TUBA1A: variants seen among roughly 807,000 people sequenced by gnomAD.
The protein encoded by TUBA1A is tubulin alpha 1a.
TUBA1A carries 7 observed loss-of-function variants against 34.6 expected under a neutral mutation model. The observed-to-expected ratio is 0.20, with a 90% CI of 0.11 to 0.38. The LOEUF (loss-of-function observed/expected upper bound fraction) is 0.38. TUBA1A is among the 10% of genes least tolerant of loss of function. The pLI is 1.00. For synonymous variants in TUBA1A, 193 were observed against 210.2 expected, an observed-to-expected ratio of 0.92 and a Z score of 0.71; for missense variants, 19 against 581.3, an observed-to-expected ratio of 0.03 and a Z score of 9.95.
chr12:49,188,402 C>T lies in TUBA1A; in HGVS notation c.3+575G>A, dbSNP rs561201144. The T allele has an allele frequency of 6.5e-7, 1 of 1,535,508 alleles. No homozygotes were observed. The highest frequency in any genetic ancestry group is 8.7e-7 in the Non-Finnish European group (1 of 1,146,672). ...GCCCTGACACCCGCTGCCGGGGGCTCCGGCAGAAACTCACCATGTTTTCCC... is the reference window on the plus strand; with the variant it reads ...GCCCTGACACCCGCTGCCGGGGGCTTCGGCAGAAACTCACCATGTTTTCCC... On this transcript the variant is annotated intron_variant, in intron 1 of 3. Coordinates refer to ENST00000301071, the MANE Select transcript of TUBA1A (RefSeq NM_006009.4). This position sits in a 1 kb window ranked among gnomAD's most constrained non-coding sequence, Gnocchi z 4.9.
Position 49,188,923 on chromosome 12 carries a change from C to G in TUBA1A, c.3+54G>C. 2.5e-6 allele frequency: 4 copies of G among 1,614,134 alleles called. No homozygotes were observed. The highest frequency in any genetic ancestry group is 2.2e-5 in the East Asian group (1 of 44,886). ...GAGCTTAAAGGTTTTCCAAGTAGAGCCTGGGGGCGCTGACTCCACCCAACG... is the reference window on the plus strand; with the variant it reads ...GAGCTTAAAGGTTTTCCAAGTAGAGGCTGGGGGCGCTGACTCCACCCAACG... On this transcript the variant is annotated intron_variant, in intron 1 of 3. Transcript: ENST00000301071. The surrounding 1 kb of genome is among the most constrained non-coding windows in gnomAD (Gnocchi z 4.9).
chr12:49,187,395 T>G, intron 1 of TUBA1A: 1 of 997,834 alleles, frequency 1.0e-6, no homozygotes, highest in South Asian at 4.3e-5. Flanking sequence ...TAGCCTGTAC[T>G]GTCTGCTACA....
At chr12:49,187,612 A>G (rs1005367439) in intron 1 of TUBA1A, 32 of 984,988 alleles carry the variant, frequency 3.2e-5, no homozygotes, top group Non-Finnish European at 3.5e-5. Context: ...TTTTTAAAAA[A>G]AAAGGTTTTT....
chr12:49,187,053 C>G (rs535950366), intron 1 of TUBA1A: 1 of 1,430,264 alleles, frequency 7.0e-7, no homozygotes, highest in South Asian at 1.6e-5. Flanking sequence ...CTGTTCAGCA[C>G]GTGGTACCAG....
intron 1 of TUBA1A, chr12:49,187,176 G>A (rs917485661): frequency 1.7e-5 from 20 of 1,168,376 alleles, no homozygotes; most frequent in Non-Finnish European, 1.2e-5. Flanking sequence ...GACTTAATTG[G>A]GATTAATTTT....
chr12:49,188,065 G>T lies in TUBA1A; in HGVS notation c.3+912C>A, dbSNP rs534378345. On this transcript the variant is annotated intron_variant, in intron 1 of 3. Coordinates refer to ENST00000301071, the MANE Select transcript of TUBA1A (RefSeq NM_006009.4). The surrounding 1 kb of genome is among the most constrained non-coding windows in gnomAD (Gnocchi z 4.9). Reference sequence around the variant, plus strand: ...ACACACACTTCAGTCGGTCAGGGCAGGGCGTCCCACAGACACACACACACA... The same window carrying T: ...ACACACACTTCAGTCGGTCAGGGCATGGCGTCCCACAGACACACACACACA... 3.0e-5 allele frequency: 28 copies of T among 933,378 alleles called. No homozygotes were observed. The South Asian group carries it at 1.1e-3, about 37-fold the overall frequency. 57.8% of individuals were successfully genotyped at this position (933,378 alleles called of 1,614,324 possible).
At position 49,184,866 on chromosome 12, in the gene TUBA1A, A is replaced by G; in HGVS notation, c.*144T>C. The G allele has an allele frequency of 7.3e-7, 1 of 1,370,746 alleles. No individual in the cohort carries two copies. The highest frequency in any genetic ancestry group is 1.2e-5 in the South Asian group (1 of 83,008). The allele number at this position is 1,370,746 out of a possible 1,614,324, so 84.9% of individuals were successfully genotyped here. ...GGACAGCTTGGGTCTGTAACAAAGC[A>G]TTCATGTTTTAGAGCATAGGTCAGT... On this transcript the variant is annotated 3_prime_UTR_variant, in exon 4 of 4. Coordinates refer to ENST00000301071, the MANE Select transcript of TUBA1A (RefSeq NM_006009.4).
rs765938699 is a variant in TUBA1A at position 49,185,448 on chromosome 12, G to A, written c.918C>T (p.Asp306=). The A allele has an allele frequency of 1.2e-6, 2 of 1,613,922 alleles. No homozygotes were observed. Among genetic ancestry groups the A allele is most frequent in the Non-Finnish European group, 8.5e-7 (1 of 1,179,942 alleles). The change falls in exon 4 of 4, where the codon GAC becomes GAT. Residue 306 remains aspartate, a synonymous_variant. Transcript: ENST00000301071. ...AAGCCATGTATTTACCATGGCGAGG[G>A]TCACATTTCACCATCTGGTTGGCTG... is the stretch of plus-strand genomic sequence containing the variant. ...FEPANQMVKC[D]PRHGKYMACC... is the part of the protein sequence containing the mutation.
In TUBA1A at chr12:49,189,065, A is replaced by G. The variant is rs1592261751; in HGVS notation, c.-86T>C. ...TTACAGCGCGACTCTTAGGCGGTCGATGTAAGAGAACCTGCGGCACATAGG... is the reference window on the plus strand; with the variant it reads ...TTACAGCGCGACTCTTAGGCGGTCGGTGTAAGAGAACCTGCGGCACATAGG... On this transcript the variant is annotated 5_prime_UTR_variant, in exon 1 of 4. Coordinates refer to ENST00000301071, the MANE Select transcript of TUBA1A (RefSeq NM_006009.4). The G allele has an allele frequency of 1.3e-6, 2 of 1,573,352 alleles. No homozygotes were observed. The highest frequency in any genetic ancestry group is 2.2e-5 in the South Asian group (2 of 90,252).
chr12:49,186,218 AAC>A lies in TUBA1A; in HGVS notation c.375+90_375+91del. 2 of 1,610,386 alleles carry A rather than the reference AAC, an allele frequency of 1.2e-6. No homozygotes were observed. Among genetic ancestry groups the A allele is most frequent in the Non-Finnish European group, 1.7e-6 (2 of 1,178,690 alleles). ...GACTCATTCCACTCTTTATTAAAAT[AAC>A]AGTTCAATTCTGTGTTTGAAAAAAA... On this transcript the variant is annotated intron_variant, in intron 3 of 3. Transcript: ENST00000301071. This position sits in a 1 kb window ranked among gnomAD's most constrained non-coding sequence, Gnocchi z 6.6.
rs1942213699 is a variant in TUBA1A, at chr12:49,188,644, G to A, written c.3+333C>T. ...TCAGCGAAACCGTGCGCACAGACAC[G>A]GGGCCCAGCCGGGACGCCCCAGACC... On this transcript the variant is annotated intron_variant, in intron 1 of 3. Transcript: ENST00000301071. The surrounding 1 kb of genome is among the most constrained non-coding windows in gnomAD (Gnocchi z 4.9). 1 of 1,436,058 alleles carries A rather than the reference G, an allele frequency of 7.0e-7. No homozygotes were observed. The highest frequency in any genetic ancestry group is 1.4e-5 in the African/African-American group (1 of 69,670). 89.0% of individuals were successfully genotyped at this position (1,436,058 alleles called of 1,614,324 possible). A position where few individuals can be genotyped will look rare whatever the true frequency, so the allele number is the denominator to read the frequency against.
rs1440506766 is a variant in TUBA1A at position 49,189,011 on chromosome 12, C to T, written c.-32G>A. ...TGCTTCGCGACTGCCGAGCTGATGG[C>T]GGAGACGAAGAGGAGAGGTTGTTGC... On this transcript the variant is annotated 5_prime_UTR_variant, in exon 1 of 4. Coordinates refer to ENST00000301071, the MANE Select transcript of TUBA1A (RefSeq NM_006009.4). The T allele has an allele frequency of 1.9e-6, 3 of 1,613,906 alleles. No homozygotes were observed. The African/African-American group carries it at 4.0e-5, about 22-fold the overall frequency.
In TUBA1A at chr12:49,188,077, GACACACACACACACACACAC is replaced by G. The variant is rs35097794; in HGVS notation, c.3+880_3+899del. 2 of 852,966 alleles carry G rather than the reference GACACACACACACACACACAC, an allele frequency of 2.3e-6. No individual in the cohort carries two copies. Among genetic ancestry groups the G allele is most frequent in the African/African-American group, 4.7e-5 (2 of 42,248 alleles). 52.8% of individuals were successfully genotyped at this position (852,966 alleles called of 1,614,324 possible). A position where few individuals can be genotyped will look rare whatever the true frequency, so the allele number is the denominator to read the frequency against. The stretch of plus-strand genomic sequence containing the variant: ...GTCGGTCAGGGCAGGGCGTCCCACA[GACACACACACACACACACAC>G]ACACACACACACACACTTCAGTCGG... On this transcript the variant is annotated intron_variant, in intron 1 of 3. Coordinates refer to ENST00000301071, the MANE Select transcript of TUBA1A (RefSeq NM_006009.4). This position sits in a 1 kb window ranked among gnomAD's most constrained non-coding sequence, Gnocchi z 4.9.
rs1942189296 is a variant in TUBA1A at position 49,186,962 on chromosome 12, G to A, written c.4-129C>T. 7 of 1,499,574 alleles carry A rather than the reference G, an allele frequency of 4.7e-6. No individual in the cohort carries two copies. The South Asian group carries it at 8.9e-5, about 19-fold the overall frequency. The allele number at this position is 1,499,574 out of a possible 1,614,324, so 92.9% of individuals were successfully genotyped here. A position where few individuals can be genotyped will look rare whatever the true frequency, so the allele number is the denominator to read the frequency against. On this transcript the variant is annotated intron_variant, in intron 1 of 3. Transcript: ENST00000301071. The surrounding 1 kb of genome is among the most constrained non-coding windows in gnomAD (Gnocchi z 6.6). ...TAAATTATTTGAGGTCATATCCCCAGCACGATACAAAGATTAAGGAAAATC... is the reference window on the plus strand; with the variant it reads ...TAAATTATTTGAGGTCATATCCCCAACACGATACAAAGATTAAGGAAAATC...
Position 49,187,721 on chromosome 12 carries a change from T to TA in TUBA1A, c.4-889dup, listed in dbSNP as rs1434925666. 20 of 850,932 alleles carry TA rather than the reference T, an allele frequency of 2.4e-5. No individual in the cohort carries two copies. The African/African-American group carries it at 5.9e-4, about 25-fold the overall frequency. 52.7% of individuals were successfully genotyped at this position (850,932 alleles called of 1,614,324 possible). A position where few individuals can be genotyped will look rare whatever the true frequency, so the allele number is the denominator to read the frequency against. On this transcript the variant is annotated intron_variant, in intron 1 of 3. Coordinates refer to ENST00000301071, the MANE Select transcript of TUBA1A (RefSeq NM_006009.4). Reference sequence around the variant, plus strand: ...TAGAAACAAGCATCACATGAAAAGGTACCAAAGAATAAAAGCCCAGTGGAA... The same window carrying TA: ...TAGAAACAAGCATCACATGAAAAGGTAACCAAAGAATAAAAGCCCAGTGGAA...
rs1942178506 is a variant in TUBA1A, at chr12:49,186,231, T to C, written c.375+79A>G. 1.2e-6 allele frequency: 2 copies of C among 1,611,766 alleles called. No homozygotes were observed. Among genetic ancestry groups the C allele is most frequent in the South Asian group, 2.2e-5 (2 of 90,962 alleles). ...CTTTATTAAAATAACAGTTCAATTC[T>C]GTGTTTGAAAAAAAAAGCATTATTT... On this transcript the variant is annotated intron_variant, in intron 3 of 3. Coordinates refer to ENST00000301071, the MANE Select transcript of TUBA1A (RefSeq NM_006009.4). This position sits in a 1 kb window ranked among gnomAD's most constrained non-coding sequence, Gnocchi z 6.6.
At position 49,188,252 on chromosome 12, in the gene TUBA1A, A is replaced by G. The variant is rs1253711924; in HGVS notation, c.3+725T>C. ...CCCTTTTGGAGCCTACAGTTCCGCA[A>G]TGATGAAAGGTTTTTTTGTTTTTTT... On this transcript the variant is annotated intron_variant, in intron 1 of 3. Coordinates refer to ENST00000301071, the MANE Select transcript of TUBA1A (RefSeq NM_006009.4). This position sits in a 1 kb window ranked among gnomAD's most constrained non-coding sequence, Gnocchi z 4.9. 3.0e-6 allele frequency: 3 copies of G among 984,392 alleles called. No individual in the cohort carries two copies. The highest frequency in any genetic ancestry group is 2.3e-4 in the East Asian group (2 of 8,818). 61.0% of individuals were successfully genotyped at this position (984,392 alleles called of 1,614,324 possible).
Position 49,188,008 on chromosome 12 carries a change from C to T in TUBA1A, c.3+969G>A. ...CTTTCTCCCTCGCTGAACGTGCAGTCCAGACAGACAGACAGACACACACAC... is the reference window on the plus strand; with the variant it reads ...CTTTCTCCCTCGCTGAACGTGCAGTTCAGACAGACAGACAGACACACACAC... On this transcript the variant is annotated intron_variant, in intron 1 of 3. Transcript: ENST00000301071. The surrounding 1 kb of genome is among the most constrained non-coding windows in gnomAD (Gnocchi z 4.9). 1.0e-6 allele frequency: 1 copy of T among 970,926 alleles called. No homozygotes were observed. Among genetic ancestry groups the T allele is most frequent in the South Asian group, 4.8e-5 (1 of 21,030 alleles). The allele number at this position is 970,926 out of a possible 1,614,324, so 60.1% of individuals were successfully genotyped here. A position where few individuals can be genotyped will look rare whatever the true frequency, so the allele number is the denominator to read the frequency against.
chr12:49,187,906 G>A, intron 1 of TUBA1A: 1 of 983,242 alleles, frequency 1.0e-6, no homozygotes, highest in Non-Finnish European at 1.2e-6. Flanking sequence ...TGTGGTGGGG[G>A]CGGGGCGGGG....
Sources: gnomAD v4.1 joint callset for allele counts on GRCh38, gnomAD v4.1.1 for gene constraint, Gnocchi (gnomAD v3.1) non-coding constraint, MANE v1.5 for transcripts, NCBI Gene and HGNC (gene_info 2026-07-23, HGNC 2026-07-21) for gene names.